ACBD5: variants seen among roughly 807,000 people sequenced by gnomAD.
ACBD5 encodes acyl-CoA-binding domain-containing protein 5.
ACBD5 carries 40 observed loss-of-function variants against 71.8 expected under a neutral mutation model. That is an observed-to-expected ratio of 0.56 (90% confidence interval 0.43 to 0.72). ACBD5 has a LOEUF of 0.72. Among genes scored for constraint, ACBD5 ranks in the 30% least tolerant of loss-of-function variants. The probability of loss-of-function intolerance (pLI) is 0.00; values close to 1 mark genes in which losing one functional copy is unlikely to be tolerated. For synonymous variants in ACBD5, 229 were observed against 218.6 expected, an observed-to-expected ratio of 1.05 and a Z score of -0.42; for missense variants, 559 against 644.5, an observed-to-expected ratio of 0.87 and a Z score of 1.44.
intron 4 of ACBD5, among the ~76,000 whole-genome samples, chr10:27,228,815 A>ATATATATATATATATATATTTTTT (rs1554856598): frequency 9.8e-5 from 2 of 20,366 alleles, no homozygotes; most frequent in Non-Finnish European, 1.3e-4. Context: ...ATATATATAT[A>ATATATATATATATATATATTTTTT]TTTTTTTTTT....
At position 27,195,425 on chromosome 10, in the gene ACBD5, T is replaced by C. The variant is rs2059298673; in HGVS notation, c.*2005A>G. 2.2e-6 allele frequency: 1 copy of C among 454,424 alleles called. No individual in the cohort carries two copies. Among genetic ancestry groups the C allele is most frequent in the Admixed American group, 2.3e-5 (1 of 42,558 alleles). 28.1% of individuals were successfully genotyped at this position (454,424 alleles called of 1,614,324 possible). On this transcript the variant is annotated 3_prime_UTR_variant, in exon 13 of 13. Transcript: ENST00000396271. ...TATAAAATAAGACTTTGGAACAGGA[T>C]AGAAATGGTTATCCCTAGGAGTTAG...
At position 27,215,614 on chromosome 10, in the gene ACBD5, A is replaced by C; in HGVS notation, c.857T>G (p.Val286Gly). Reference protein sequence around the residue: ...QDINDDHVEDVTGIQHLTSDS... With the variant: ...QDINDDHVEDGTGIQHLTSDS... ...GCTTGTCAAATGCTGAATTCCTGTA[A>C]CATCTTCAACATGATCATCATTTAT... is the stretch of plus-strand genomic sequence containing the variant. Residue 286 changes from valine to glycine, a missense_variant, in exon 8 of 13, where the codon GTT becomes GGT. Coordinates refer to ENST00000396271, the MANE Select transcript of ACBD5 (RefSeq NM_145698.5). The C allele has an allele frequency of 6.2e-7, 1 of 1,612,646 alleles. No individual in the cohort carries two copies. The highest frequency in any genetic ancestry group is 1.3e-5 in the African/African-American group (1 of 75,022).
intron 12 of ACBD5, 133 bp from the exon 13 acceptor site, chr10:27,197,575 A>G: frequency 2.9e-6 from 2 of 699,530 alleles, no homozygotes. Flanking sequence ...ATAGAACTAC[A>G]TCATATGACT....
intron 3 of ACBD5, among the ~76,000 whole-genome samples, chr10:27,234,001 G>A (rs1252005518): frequency 1.3e-5 from 2 of 152,152 alleles, no homozygotes; most frequent in Non-Finnish European, 2.9e-5. Context: ...CTGAGGTCAC[G>A]CCATTGCACT....
intron 4 of ACBD5, 141 bp downstream of exon 4, chr10:27,231,607 G>T: frequency 1.3e-6 from 1 of 749,388 alleles, no homozygotes; most frequent in Non-Finnish European, 2.3e-6. Context: ...AAGCAGAAAA[G>T]TCCTAACAAA....
intron 3 of ACBD5, among the ~76,000 whole-genome samples, chr10:27,234,334 G>C (rs998611624): frequency 2.6e-5 from 4 of 152,154 alleles, no homozygotes; most frequent in East Asian, 1.9e-4. Context: ...TGACAGCTTA[G>C]ATAAAAAGTT....
chr10:27,196,139 G>A lies in ACBD5; in HGVS notation c.*1291C>T. On this transcript the variant is annotated 3_prime_UTR_variant, in exon 13 of 13. Transcript: ENST00000396271. ...CACTTGAACCCAGGAGGTGGAAGTT[G>A]CAGTGAGCCAAGATCACGCCATTGC... 1 of 452,198 alleles carries A rather than the reference G, an allele frequency of 2.2e-6. No homozygotes were observed. The highest frequency in any genetic ancestry group is 7.0e-5 in the East Asian group (1 of 14,384). The allele number at this position is 452,198 out of a possible 1,614,324, so 28.0% of individuals were successfully genotyped here.
intron 6 of ACBD5, 86 bp downstream of exon 6, chr10:27,219,634 ATCT>A: frequency 6.4e-7 from 1 of 1,551,194 alleles, no homozygotes; most frequent in African/African-American, 1.4e-5. Context: ...ACCTGCTTTA[ATCT>A]TCTACAATAC....
At chr10:27,191,408 T>C (rs1468441163), downstream of ACBD5, among the ~76,000 whole-genome samples, 1 of 152,148 alleles carries the variant, frequency 6.6e-6, no homozygotes, top group African/African-American at 2.4e-5. Flanking sequence ...TCATAGGATG[T>C]ACACTAAGAG....
At chr10:27,186,555 A>G (rs1296848931) in intron 13 of ACBD5, 2 of 1,601,380 alleles carry the variant, frequency 1.2e-6, no homozygotes, top group Non-Finnish European at 1.7e-6. Context: ...TTTTCCTTTT[A>G]GTCTAGCCTT....
intron 13 of ACBD5, chr10:27,186,951 C>T: frequency 4.2e-6 from 1 of 240,114 alleles, no homozygotes. Context: ...ATATGATTAC[C>T]TTCAAAAGCT....
chr10:27,193,253 C>G (rs1051230936), downstream of ACBD5: 1 of 108,218 alleles, frequency 9.2e-6, no homozygotes, highest in African/African-American at 3.5e-5. Flanking sequence ...ATGGAGAAAC[C>G]CTGTCTCTAT....
At chr10:27,184,857 C>T (rs982222523) in intron 13 of ACBD5, among the ~76,000 whole-genome samples, 2 of 151,900 alleles carry the variant, frequency 1.3e-5, no homozygotes, top group African/African-American at 2.4e-5. Flanking sequence ...CATTACTCTG[C>T]CCAAAAGAGC....
At chr10:27,194,486 C>G (rs1460670605), downstream of ACBD5, among the ~76,000 whole-genome samples, 1 of 151,438 alleles carries the variant, frequency 6.6e-6, no homozygotes. Context: ...GTGGTGGGTG[C>G]CTGTAATCCC....
At position 27,197,119 on chromosome 10, in the gene ACBD5, CA is replaced by C; in HGVS notation, c.*310del. On this transcript the variant is annotated 3_prime_UTR_variant, in exon 13 of 13. Transcript: ENST00000396271. Reference sequence around the variant, plus strand: ...CTTATGTTACTCTATGGAAGATAATCAGGTAAACATGTTACCAAATGATCAT... The same window carrying C: ...CTTATGTTACTCTATGGAAGATAATCGGTAAACATGTTACCAAATGATCAT... 1 of 492,630 alleles carries C rather than the reference CA, an allele frequency of 2.0e-6. No homozygotes were observed. The highest frequency in any genetic ancestry group is 2.7e-5 in the Admixed American group (1 of 37,002). The allele number at this position is 492,630 out of a possible 1,614,324, so 30.5% of individuals were successfully genotyped here. A position where few individuals can be genotyped will look rare whatever the true frequency, so the allele number is the denominator to read the frequency against.
intron 12 of ACBD5, among the ~76,000 whole-genome samples, chr10:27,201,336 G>T (rs891776740): frequency 1.3e-5 from 2 of 152,178 alleles, no homozygotes; most frequent in Non-Finnish European, 1.5e-5. Flanking sequence ...TGAACAAGAA[G>T]TCTGCAGGTA....
intron 4 of ACBD5, among the ~76,000 whole-genome samples, chr10:27,230,073 C>T (rs1564698314): frequency 7.0e-6 from 1 of 143,278 alleles, no homozygotes. Context: ...GAAGTATGTC[C>T]TAAAAATTAT....
chr10:27,192,944 G>A (rs2059137932), downstream of ACBD5, among the ~76,000 whole-genome samples: 1 of 151,548 alleles, frequency 6.6e-6, no homozygotes, highest in Non-Finnish European at 1.5e-5. Context: ...ACTCCAGCCT[G>A]CTGGGTGACA....
rs777821930 is a variant in ACBD5 at position 27,208,458 on chromosome 10, G to C, written c.1205-13C>G. 4.3e-6 allele frequency: 7 copies of C among 1,611,860 alleles called. No individual in the cohort carries two copies. The highest frequency in any genetic ancestry group is 5.1e-6 in the Non-Finnish European group (6 of 1,178,880). The stretch of plus-strand genomic sequence containing the variant: ...TGCATCCTATGTCCTATTTTAAGAG[G>C]CAAAAATAAGCTTGTTTTAAATAAT... On this transcript the variant is annotated splice_polypyrimidine_tract_variant and intron_variant, in intron 9 of 12. Transcript: ENST00000396271.
Sources: allele counts gnomAD v4.1 joint callset (sites outside exome capture counted in the v4.1 genomes callset), GRCh38; gene constraint gnomAD v4.1.1; transcripts MANE v1.5; gene names NCBI Gene and HGNC (gene_info 2026-07-23, HGNC 2026-07-21).